ULK4: variants seen among roughly 807,000 people sequenced by gnomAD.
The protein encoded by ULK4 is inactive serine/threonine-protein kinase ULK4.
A neutral mutation model predicts 160.6 loss-of-function variants in ULK4; 133 were observed. The ratio of observed to expected loss-of-function variants is 0.83; its 90% CI spans 0.72 to 0.96. ULK4 has a LOEUF of 0.96. Among genes scored for constraint, ULK4 ranks in the 40% least tolerant of loss-of-function variants. The pLI, the probability that ULK4 is intolerant of heterozygous loss-of-function variation, is 0.00. For synonymous variants in ULK4, 534 were observed against 539.8 expected, an observed-to-expected ratio of 0.99 and a Z score of 0.15; for missense variants, 1,580 against 1,499.5, an observed-to-expected ratio of 1.05 and a Z score of -0.89.
rs567665384 is a variant in ULK4, at chr3:41,769,631, G to A, written c.2194-15143C>T. On this transcript the variant is annotated intron_variant, in intron 21 of 36. Coordinates refer to ENST00000301831, the MANE Select transcript of ULK4 (RefSeq NM_017886.4). ...GGTAACCAGCAGTGATTTCAGAGTG[G>A]ACATTTCTTTTCTAACTTAAAGATG... Among the ~76,000 whole-genome samples the A allele has an allele frequency of 2.6e-5, 4 of 152,254 alleles. No homozygotes were observed. In the South Asian group the frequency reaches 8.3e-4, roughly 32 times the overall value.
At chr3:41,775,408 T>C (rs1049757626) in intron 21 of ULK4, among the ~76,000 whole-genome samples, 2 of 149,608 alleles carry the variant, frequency 1.3e-5, no homozygotes, top group Admixed American at 6.6e-5. Context: ...CCTTTTTTTT[T>C]TTTTTATGGT....
intron 29 of ULK4, among the ~76,000 whole-genome samples, chr3:41,678,047 C>T (rs985652091): frequency 4.6e-5 from 7 of 152,244 alleles, no homozygotes; most frequent in Admixed American, 2.0e-4. Flanking sequence ...GTCTCAAGCC[C>T]GCCAGCTTTC....
chr3:41,364,619 C>T (rs991400388), intron 35 of ULK4, among the ~76,000 whole-genome samples: 3 of 151,990 alleles, frequency 2.0e-5, no homozygotes, highest in East Asian at 1.9e-4. Context: ...TAAACATATG[C>T]CAATGCTGAA....
At chr3:41,817,448 A>G (rs1051446280) in intron 19 of ULK4, among the ~76,000 whole-genome samples, 1 of 152,212 alleles carries the variant, frequency 6.6e-6, no homozygotes, top group Non-Finnish European at 1.5e-5. Context: ...GCCATAAAAA[A>G]TTATAAAATC....
chr3:41,511,669 A>T (rs2085582920), intron 32 of ULK4, among the ~76,000 whole-genome samples: 1 of 152,000 alleles, frequency 6.6e-6, no homozygotes, highest in African/African-American at 2.4e-5. Flanking sequence ...AACAAAAAAA[A>T]GTCCAGTACC....
chr3:41,643,419 G>C (rs1405853493), intron 30 of ULK4, among the ~76,000 whole-genome samples: 1 of 152,196 alleles, frequency 6.6e-6, no homozygotes, highest in Non-Finnish European at 1.5e-5. Flanking sequence ...TGGCTAGCCA[G>C]TTTTCCCAGC....
At chr3:41,917,524 T>C (rs1269863393) in intron 7 of ULK4, among the ~76,000 whole-genome samples, 1 of 152,114 alleles carries the variant, frequency 6.6e-6, no homozygotes, top group Non-Finnish European at 1.5e-5. Flanking sequence ...CATTTATGTG[T>C]CTTAAGATAA....
chr3:41,523,320 G>A (rs1311878835), intron 32 of ULK4, among the ~76,000 whole-genome samples: 1 of 152,134 alleles, frequency 6.6e-6, no homozygotes, highest in Admixed American at 6.5e-5. Flanking sequence ...CATGAAGCAC[G>A]TCACTACTAA....
intron 33 of ULK4, among the ~76,000 whole-genome samples, chr3:41,456,449 T>A (rs1273373088): frequency 6.6e-6 from 1 of 152,178 alleles, no homozygotes; most frequent in Non-Finnish European, 1.5e-5. Flanking sequence ...TCAAATAACA[T>A]CTAAAATATT....
At chr3:41,287,352 T>C (rs1314827423) in intron 35 of ULK4, among the ~76,000 whole-genome samples, 1 of 152,196 alleles carries the variant, frequency 6.6e-6, no homozygotes, top group Non-Finnish European at 1.5e-5. Flanking sequence ...GAGTGTGATA[T>C]AATTTCCTTC....
chr3:41,603,429 A>G (rs1310330274), intron 31 of ULK4, among the ~76,000 whole-genome samples: 3 of 152,100 alleles, frequency 2.0e-5, no homozygotes, highest in African/African-American at 7.2e-5. Context: ...TCCTCAGTTG[A>G]CAGGATAACC....
chr3:41,292,857 T>C (rs2079598208), intron 35 of ULK4, among the ~76,000 whole-genome samples: 1 of 152,096 alleles, frequency 6.6e-6, no homozygotes, highest in Non-Finnish European at 1.5e-5. Flanking sequence ...GGCAGAAGAA[T>C]TGCTTGAACC....
intron 32 of ULK4, among the ~76,000 whole-genome samples, chr3:41,495,726 G>T (rs544248329): frequency 5.3e-5 from 8 of 151,430 alleles, no homozygotes; most frequent in African/African-American, 1.7e-4. Flanking sequence ...TCAAACAAAT[G>T]TACAAGAAAA....
chr3:41,903,682 G>A (rs75276507), intron 12 of ULK4, among the ~76,000 whole-genome samples: 368 of 151,348 alleles, frequency 2.4e-3, no homozygotes, highest in African/African-American at 7.9e-3. Context: ...ATGTATGCAC[G>A]AATGCCATAT....
At chr3:41,892,896 T>C (rs1370447086) in intron 16 of ULK4, among the ~76,000 whole-genome samples, 1 of 152,248 alleles carries the variant, frequency 6.6e-6, no homozygotes, top group East Asian at 1.9e-4. Context: ...CCCTGCTAAA[T>C]ACATCCCTGG....
intron 2 of ULK4, among the ~76,000 whole-genome samples, chr3:41,939,746 G>A (rs1699892161): frequency 6.6e-6 from 1 of 151,986 alleles, no homozygotes; most frequent in Non-Finnish European, 1.5e-5. Context: ...TCGGAACCAG[G>A]CCAGACAGCA....
rs756499023 is a variant in ULK4, at chr3:41,901,169, C to CTTTT, written c.1183-341_1183-340insAAAA. 3.7e-4 allele frequency among the ~76,000 whole-genome samples: 35 copies of CTTTT among 95,734 alleles called. 2 individuals are homozygous for CTTTT. Among genetic ancestry groups the CTTTT allele is most frequent in the Non-Finnish European group, 5.3e-4 (24 of 44,918 alleles). 62.8% of individuals were successfully genotyped at this position (95,734 alleles called of 152,430 possible). ...AATTGGTTTTTCCATAACAGCATGG[C>CTTTT]TTCTTTTTTTTTTTTTTTTTTTTTT... On this transcript the variant is annotated intron_variant, in intron 12 of 36. Transcript: ENST00000301831.
chr3:41,354,115 A>T (rs1186730279), intron 35 of ULK4, among the ~76,000 whole-genome samples: 1 of 152,192 alleles, frequency 6.6e-6, no homozygotes, highest in African/African-American at 2.4e-5. Flanking sequence ...GAAGTCACAC[A>T]TATGCCCTCA....
intron 30 of ULK4, among the ~76,000 whole-genome samples, chr3:41,655,715 C>A (rs1242315986): frequency 6.6e-6 from 1 of 152,042 alleles, no homozygotes; most frequent in African/African-American, 2.4e-5. Flanking sequence ...TACATAGCTA[C>A]ATAGTTATTT....
Sources: gnomAD v4.1 joint callset for allele counts (sites outside exome capture counted in the v4.1 genomes callset) on GRCh38, gnomAD v4.1.1 for gene constraint, MANE v1.5 for transcripts, NCBI Gene and HGNC (gene_info 2026-07-23, HGNC 2026-07-21) for gene names.